Variants in GLRA2 observed in about 807,000 individuals in gnomAD.
GLRA2 encodes glycine receptor alpha 2, also known as glycine receptor subunit alpha-2.
In GLRA2, 11 loss-of-function variants were observed where a neutral mutation model predicts 31.6. The ratio of observed to expected loss-of-function variants is 0.35; its 90% CI spans 0.22 to 0.58. The LOEUF (loss-of-function observed/expected upper bound fraction) is 0.58. GLRA2 is among the 20% of genes least tolerant of loss of function. The pLI is 0.84. For synonymous variants in GLRA2, 132 were observed against 134.0 expected (o/e 0.99, Z 0.10); for missense variants, 212 against 351.8 (o/e 0.60, Z 3.18).
intron 4 of GLRA2, among the ~76,000 whole-genome samples, chrX:14,602,430 A>G (rs924952031): frequency 9.2e-6 from 1 of 108,423 alleles, no homozygotes; most frequent in Non-Finnish European, 1.9e-5. Context: ...TTTTTTTTCA[A>G]TTTTTTTATT....
At chrX:14,514,341 TCAC>T in the GLRA2 span, among the ~76,000 whole-genome samples, 1 of 108,040 alleles carries the variant, frequency 9.3e-6, no homozygotes, top group African/African-American at 3.4e-5. Flanking sequence ...ATCTCAGAAA[TCAC>T]CACTAAAGAA....
At chrX:14,684,215 G>A (rs1293689187) in intron 7 of GLRA2, among the ~76,000 whole-genome samples, 1 of 110,944 alleles carries the variant, frequency 9.0e-6, no homozygotes, top group Non-Finnish European at 1.9e-5. Flanking sequence ...TTTGGTTACT[G>A]TAGCCTTGTA....
chrX:14,492,610 G>A, the GLRA2 span, among the ~76,000 whole-genome samples: 13 of 111,354 alleles, frequency 1.2e-4, no homozygotes, highest in African/African-American at 4.2e-4. Flanking sequence ...ACCAAGTGCT[G>A]GTGAGGATGC....
chrX:14,561,448 G>A (rs1176664854), intron 2 of GLRA2, among the ~76,000 whole-genome samples: 1 of 112,459 alleles, frequency 8.9e-6, no homozygotes, highest in African/African-American at 3.2e-5. Flanking sequence ...AGTTTTACTG[G>A]AACACAGCCA....
At chrX:14,507,512 G>C in the GLRA2 span, among the ~76,000 whole-genome samples, 2 of 110,194 alleles carry the variant, frequency 1.8e-5, no homozygotes, top group Admixed American at 1.9e-4. Context: ...TTACTGGTCT[G>C]TGATGAAAAA....
the GLRA2 span, among the ~76,000 whole-genome samples, chrX:14,500,921 T>C: frequency 3.6e-5 from 4 of 111,244 alleles, no homozygotes; most frequent in East Asian, 1.1e-3. Context: ...AAAGTCTTAA[T>C]ATAATAAAAA....
the GLRA2 span, among the ~76,000 whole-genome samples, chrX:14,458,321 A>G: frequency 4.5e-3 from 499 of 111,697 alleles, 7 homozygotes; most frequent in African/African-American, 0.015. Context: ...GAATAGTGCC[A>G]CAATAAACAT....
At chrX:14,704,882 T>C (rs1363824443) in intron 8 of GLRA2, among the ~76,000 whole-genome samples, 1 of 111,877 alleles carries the variant, frequency 8.9e-6, no homozygotes, top group African/African-American at 3.2e-5. Context: ...AGAAAAAAAG[T>C]ACAAAAATGT....
chrX:14,722,868 T>C (rs1334363420), intron 8 of GLRA2, among the ~76,000 whole-genome samples: 4 of 112,496 alleles, frequency 3.6e-5, no homozygotes, highest in Non-Finnish European at 7.5e-5. Context: ...ATACTTATAA[T>C]TTCATTTTAT....
the GLRA2 span, among the ~76,000 whole-genome samples, chrX:14,507,689 C>CTTTTTTTTTTTATTTTTTTTT: frequency 4.3e-5 from 2 of 46,629 alleles, no homozygotes; most frequent in Non-Finnish European, 7.9e-5. Context: ...GAAAGACATT[C>CTTTTTTTTTTTATTTTTTTTT]TTTTTTTTTT....
rs181951969 is a variant in GLRA2 at position 14,616,166 on chromosome X, C to T, written c.930+6961C>T. Among the ~76,000 whole-genome samples the T allele has an allele frequency of 3.3e-3, 374 of 111,852 alleles. 2 individuals are homozygous for T. Among genetic ancestry groups the T allele is most frequent in the African/African-American group, 0.012 (365 of 30,886 alleles). Reference sequence around the variant, plus strand: ...AGACTGAGACATCAGGCAGGCTTTGCACATGGCAAAATAAGATTAAACGAT... The same window carrying T: ...AGACTGAGACATCAGGCAGGCTTTGTACATGGCAAAATAAGATTAAACGAT... On this transcript the variant is annotated intron_variant, in intron 7 of 8. Transcript: ENST00000218075.
At chrX:14,513,553 AAAAC>A in the GLRA2 span, among the ~76,000 whole-genome samples, 3 of 111,814 alleles carry the variant, frequency 2.7e-5, no homozygotes, top group Admixed American at 9.5e-5. Flanking sequence ...ACAAGGAACT[AAAAC>A]AAATTAGCAT....
intron 8 of GLRA2, 109 bp from the exon 9 acceptor site, chrX:14,730,098 C>A: frequency 1.7e-6 from 1 of 579,365 alleles, no homozygotes; most frequent in Non-Finnish European, 2.9e-6. Context: ...AAGCCTCCCA[C>A]ACCACCAGTT....
intron 3 of GLRA2, among the ~76,000 whole-genome samples, chrX:14,575,788 T>C (rs1601726677): frequency 9.0e-6 from 1 of 111,646 alleles, no homozygotes; most frequent in Non-Finnish European, 1.9e-5. Context: ...ATAAATGTCA[T>C]GGTCATGTTA....
chrX:14,528,745 C>T (rs1366390093), upstream of GLRA2, among the ~76,000 whole-genome samples: 1 of 111,855 alleles, frequency 8.9e-6, no homozygotes, highest in Non-Finnish European at 1.9e-5. Context: ...CTCCCAGTTG[C>T]ACTTTTCCTT....
chrX:14,610,570 A>G (rs373768540), intron 7 of GLRA2, among the ~76,000 whole-genome samples: 7 of 111,959 alleles, frequency 6.3e-5, no homozygotes, highest in African/African-American at 2.3e-4. Flanking sequence ...TAGCACTTTT[A>G]ATCCACTCTG....
At chrX:14,494,418 AT>A in the GLRA2 span, among the ~76,000 whole-genome samples, 26 of 112,252 alleles carry the variant, frequency 2.3e-4, no homozygotes, top group African/African-American at 6.8e-4. Context: ...CTCAAAAATA[AT>A]TGTAACCATT....
intron 8 of GLRA2, among the ~76,000 whole-genome samples, chrX:14,724,409 G>A (rs113522454): frequency 0.037 from 4,051 of 109,042 alleles, 164 homozygotes; most frequent in African/African-American, 0.11. Context: ...GTGCATCACC[G>A]GAAGTCAGGA....
chrX:14,622,650 G>T (rs541492438), intron 7 of GLRA2, among the ~76,000 whole-genome samples: 17 of 111,960 alleles, frequency 1.5e-4, no homozygotes, highest in African/African-American at 4.5e-4. Flanking sequence ...GTTTGTCAAA[G>T]ATCAGATGGT....
Sources: gnomAD v4.1 joint callset for allele counts (sites outside exome capture counted in the v4.1 genomes callset) on GRCh38, gnomAD v4.1.1 for gene constraint, MANE v1.5 for transcripts, NCBI Gene and HGNC (gene_info 2026-07-23, HGNC 2026-07-21) for gene names.